The following PXDNL variants were observed in gnomAD, a reference collection of about 807,000 sequenced individuals.
PXDNL encodes the protein peroxidasin like, also known as probable oxidoreductase PXDNL.
A neutral mutation model predicts 150.8 loss-of-function variants in PXDNL; 145 were observed. The ratio of observed to expected loss-of-function variants is 0.96; its 90% CI spans 0.84 to 1.10. The LOEUF is 1.10. Among genes scored for constraint, PXDNL ranks in the 50% least tolerant of loss-of-function variants. The pLI, the probability that PXDNL is intolerant of heterozygous loss-of-function variation, is 0.00. For synonymous variants in PXDNL, 757 were observed against 725.7 expected (o/e 1.04, Z -0.69); for missense variants, 2,087 against 1,873.9 (o/e 1.11, Z -2.10).
chr8:51,474,967 C>A lies in PXDNL; in HGVS notation c.694+5G>T. The A allele has an allele frequency of 6.3e-7, 1 of 1,579,544 alleles. No homozygotes were observed. Among genetic ancestry groups the A allele is most frequent in the Non-Finnish European group, 8.6e-7 (1 of 1,161,488 alleles). On this transcript the variant is annotated splice_donor_5th_base_variant and intron_variant, in intron 7 of 22. Transcript: ENST00000356297. ...TATCTTATGTACACATTGAAATTTA[C>A]GTACGGCAATTGAATTCCTCTACTG... is the stretch of plus-strand genomic sequence containing the variant.
At chr8:51,725,869 A>G (rs1355733773) in intron 1 of PXDNL, among the ~76,000 whole-genome samples, 1 of 152,228 alleles carries the variant, frequency 6.6e-6, no homozygotes, top group Non-Finnish European at 1.5e-5. Context: ...AGCTGATTTT[A>G]TGGGCCCTAA....
At chr8:51,654,801 A>C (rs17277222) in intron 1 of PXDNL, 41 bp from the exon 2 acceptor site, 10 of 1,469,728 alleles carry the variant, frequency 6.8e-6, no homozygotes, top group Non-Finnish European at 9.5e-6. Context: ...TAATATGTTG[A>C]CTGCATTCTG....
intron 2 of PXDNL, among the ~76,000 whole-genome samples, chr8:51,612,199 C>T (rs1324058222): frequency 2.6e-5 from 4 of 152,092 alleles, no homozygotes; most frequent in Non-Finnish European, 5.9e-5. Flanking sequence ...GTTTTGCTCC[C>T]GGCCTCCACT....
At position 51,320,825 on chromosome 8, in the gene PXDNL, C is replaced by A; in HGVS notation, c.4219G>T (p.Glu1407Ter). 1 of 1,613,994 alleles carries A rather than the reference C, an allele frequency of 6.2e-7. No individual in the cohort carries two copies. The highest frequency in any genetic ancestry group is 8.5e-7 in the Non-Finnish European group (1 of 1,179,888). ...GTGCAGTCTTCTTTCATCCAGCGCT[C>A]CTCGGCCTTCCTTGGAACCCCTCTA... ...DVRGVPRKAEERWMKEDCTHC... is the reference protein window; with the variant it reads ...DVRGVPRKAE Residue 1407 changes from glutamate to a stop codon, truncating the protein, a stop_gained, in exon 22 of 23, where the codon GAG becomes TAG. Transcript: ENST00000356297. LOFTEE classifies it low-confidence loss of function (END_TRUNC).
At chr8:51,656,097 T>C (rs1815144658) in intron 1 of PXDNL, among the ~76,000 whole-genome samples, 2 of 152,188 alleles carry the variant, frequency 1.3e-5, no homozygotes, top group African/African-American at 4.8e-5. Flanking sequence ...TATAGGGCGC[T>C]AGAATGGCAG....
At chr8:51,542,758 C>T (rs1278197289) in intron 4 of PXDNL, among the ~76,000 whole-genome samples, 1 of 150,210 alleles carries the variant, frequency 6.7e-6, no homozygotes, top group Admixed American at 6.6e-5. Flanking sequence ...TGCAGTAAGC[C>T]AAGATTGCAC....
At chr8:51,666,901 G>A (rs1175141445) in intron 1 of PXDNL, among the ~76,000 whole-genome samples, 1 of 152,052 alleles carries the variant, frequency 6.6e-6, no homozygotes, top group East Asian at 1.9e-4. Flanking sequence ...TCCAGGCATG[G>A]CTGTCCATCA....
intron 5 of PXDNL, among the ~76,000 whole-genome samples, chr8:51,489,244 C>T (rs1585517423): frequency 6.6e-6 from 1 of 152,114 alleles, no homozygotes; most frequent in African/African-American, 2.4e-5. Flanking sequence ...ATGGATTTGT[C>T]TTTACATTGA....
chr8:51,340,068 TC>T (rs1416775478), intron 20 of PXDNL: 3 of 170,070 alleles, frequency 1.8e-5, no homozygotes, highest in African/African-American at 7.1e-5. Flanking sequence ...TTAAAGTATT[TC>T]TTTTGCTAAC....
intron 8 of PXDNL, among the ~76,000 whole-genome samples, chr8:51,457,868 G>A (rs1016987917): frequency 6.6e-6 from 1 of 151,992 alleles, no homozygotes; most frequent in African/African-American, 2.4e-5. Flanking sequence ...CTGAACAAAG[G>A]CTCTGAGTCA....
chr8:51,406,056 A>C (rs1808427238), intron 17 of PXDNL, among the ~76,000 whole-genome samples: 2 of 152,244 alleles, frequency 1.3e-5, no homozygotes, highest in Admixed American at 6.5e-5. Context: ...AGCCACTGTA[A>C]GGATGGACAG....
intron 1 of PXDNL, among the ~76,000 whole-genome samples, chr8:51,784,817 AT>A (rs2037446017): frequency 6.6e-6 from 1 of 152,218 alleles, no homozygotes; most frequent in Non-Finnish European, 1.5e-5. Context: ...TGTAGAAAAA[AT>A]AATACTTTAA....
At chr8:51,761,705 T>C (rs1348612235) in intron 1 of PXDNL, among the ~76,000 whole-genome samples, 1 of 152,226 alleles carries the variant, frequency 6.6e-6, no homozygotes, top group Non-Finnish European at 1.5e-5. Context: ...ATCTGAAATA[T>C]TTCACTTACT....
chr8:51,417,603 A>AT (rs1168776198), intron 14 of PXDNL, among the ~76,000 whole-genome samples: 2 of 152,174 alleles, frequency 1.3e-5, no homozygotes, highest in East Asian at 1.9e-4. Context: ...GGTTTTGAGT[A>AT]TTTTTTATCC....
chr8:51,759,591 T>C (rs1175502561), intron 1 of PXDNL, among the ~76,000 whole-genome samples: 2 of 152,198 alleles, frequency 1.3e-5, no homozygotes, highest in African/African-American at 4.8e-5. Flanking sequence ...CAGGCAAGAA[T>C]GACTGATGGA....
chr8:51,628,143 A>G (rs1814401397), intron 2 of PXDNL, among the ~76,000 whole-genome samples: 1 of 152,124 alleles, frequency 6.6e-6, no homozygotes, highest in African/African-American at 2.4e-5. Flanking sequence ...AGCCACAAGC[A>G]TATCCAGGAC....
chr8:51,476,938 A>AC (rs1810492211), intron 6 of PXDNL, among the ~76,000 whole-genome samples: 1 of 152,248 alleles, frequency 6.6e-6, no homozygotes, highest in South Asian at 2.1e-4. Flanking sequence ...ACAAACATGG[A>AC]AAAACAAATA....
At chr8:51,728,386 G>C (rs190829801) in intron 1 of PXDNL, among the ~76,000 whole-genome samples, 1 of 152,168 alleles carries the variant, frequency 6.6e-6, no homozygotes. Flanking sequence ...ATTAGCCTCA[G>C]GCAGGTCCTT....
chr8:51,322,054 AGCGAAG>A (rs1805336089), intron 21 of PXDNL, among the ~76,000 whole-genome samples: 2 of 152,190 alleles, frequency 1.3e-5, no homozygotes, highest in South Asian at 2.1e-4. Context: ...GTGCTCACAC[AGCGAAG>A]GCCATGTGAG....
Sources: allele counts gnomAD v4.1 joint callset (sites outside exome capture counted in the v4.1 genomes callset), GRCh38; gene constraint gnomAD v4.1.1; transcripts MANE v1.5; gene names NCBI Gene and HGNC (gene_info 2026-07-23, HGNC 2026-07-21).